The following NEGR1 variants were observed in gnomAD, a reference collection of about 807,000 sequenced individuals.
The protein encoded by NEGR1 is IgLON family member 4.
NEGR1 carries 10 observed loss-of-function variants against 40.9 expected under a neutral mutation model. The observed-to-expected ratio is 0.24, with a 90% confidence interval of 0.15 to 0.42. NEGR1 has a LOEUF of 0.42. Among genes scored for constraint, NEGR1 ranks in the 10% least tolerant of loss-of-function variants. NEGR1 has a pLI of 1.00. For missense variants in NEGR1, 352 were observed against 438.9 expected (o/e 0.80, Z 1.77); for synonymous variants, 185 against 166.8 (o/e 1.11, Z -0.84).
intron 5 of NEGR1, among the ~76,000 whole-genome samples, chr1:71,594,333 T>C (rs1420797704): frequency 6.6e-6 from 1 of 152,190 alleles, no homozygotes; most frequent in Non-Finnish European, 1.5e-5. Flanking sequence ...TTTTTTTAAA[T>C]TATGAAAATG....
chr1:72,019,765 C>T (rs576079214), intron 1 of NEGR1, among the ~76,000 whole-genome samples: 7 of 152,194 alleles, frequency 4.6e-5, no homozygotes, highest in Non-Finnish European at 8.8e-5. Context: ...TCAAACTATG[C>T]ATTTTAACCT....
At chr1:72,234,077 T>C (rs1392617701) in intron 1 of NEGR1, among the ~76,000 whole-genome samples, 1 of 152,110 alleles carries the variant, frequency 6.6e-6, no homozygotes, top group Non-Finnish European at 1.5e-5. Flanking sequence ...AGTATTCGCT[T>C]ACCCAGGTAT....
chr1:71,656,049 T>C (rs1651862430), intron 4 of NEGR1, among the ~76,000 whole-genome samples: 1 of 152,182 alleles, frequency 6.6e-6, no homozygotes, highest in Non-Finnish European at 1.5e-5. Flanking sequence ...GAATATCCCA[T>C]TTATAACTGA....
At chr1:71,622,698 G>A (rs997836799) in intron 4 of NEGR1, among the ~76,000 whole-genome samples, 1 of 151,754 alleles carries the variant, frequency 6.6e-6, no homozygotes, top group Non-Finnish European at 1.5e-5. Flanking sequence ...ATATACATTC[G>A]AGATAGGTGA....
chr1:71,736,035 C>A (rs185907804), intron 3 of NEGR1, among the ~76,000 whole-genome samples: 1 of 151,908 alleles, frequency 6.6e-6, no homozygotes, highest in Non-Finnish European at 1.5e-5. Context: ...TCACAACCTC[C>A]CTAGATTATT....
chr1:71,441,991 A>G (rs1229497999), intron 6 of NEGR1, among the ~76,000 whole-genome samples: 1 of 152,192 alleles, frequency 6.6e-6, no homozygotes, highest in Admixed American at 6.5e-5. Flanking sequence ...TAAATATATC[A>G]ATTGGTAGCT....
In NEGR1 at chr1:71,821,882, A is replaced by G. The variant is rs76862677; in HGVS notation, c.410-45585T>C. Among the ~76,000 whole-genome samples, 1,216 of 152,102 alleles carry G rather than the reference A, an allele frequency of 8.0e-3. 48 individuals are homozygous for G. In the East Asian group the frequency reaches 0.12, roughly 15 times the overall value. ...ATGAGTGGGACAGGCAGACATAAGC[A>G]AGCAACATGAGCAGATAATTCAGAA... On this transcript the variant is annotated intron_variant, in intron 2 of 6. Coordinates refer to ENST00000357731, the MANE Select transcript of NEGR1 (RefSeq NM_173808.3).
intron 1 of NEGR1, 126 bp downstream of exon 1, chr1:72,282,193 G>A (rs1656281275): frequency 8.9e-7 from 1 of 1,126,062 alleles, no homozygotes; most frequent in Admixed American, 2.6e-5. Context: ...GAATTCTTGG[G>A]ATGTGGTCTT....
chr1:71,811,593 ATAAG>A (rs898545137), intron 2 of NEGR1, among the ~76,000 whole-genome samples: 6 of 151,030 alleles, frequency 4.0e-5, no homozygotes, highest in East Asian at 3.9e-4. Context: ...TAATTTACTT[ATAAG>A]TAAGTAATTA....
At chr1:71,926,836 A>G (rs1222169612) in intron 2 of NEGR1, among the ~76,000 whole-genome samples, 2 of 152,176 alleles carry the variant, frequency 1.3e-5, no homozygotes, top group Non-Finnish European at 2.9e-5. Flanking sequence ...GCAATACATA[A>G]AACTTCATGT....
At chr1:71,850,403 T>C (rs1381720781) in intron 2 of NEGR1, among the ~76,000 whole-genome samples, 1 of 151,890 alleles carries the variant, frequency 6.6e-6, no homozygotes, top group East Asian at 1.9e-4. Context: ...CAATCCTCCC[T>C]CCTCAGCCTC....
chr1:71,551,918 T>C (rs962775423), intron 6 of NEGR1, among the ~76,000 whole-genome samples: 1 of 151,618 alleles, frequency 6.6e-6, no homozygotes. Context: ...GTGTGAAAAC[T>C]TCTATATCTT....
chr1:72,259,658 T>C (rs1404248992), intron 1 of NEGR1, among the ~76,000 whole-genome samples: 2 of 152,178 alleles, frequency 1.3e-5, no homozygotes, highest in Admixed American at 6.5e-5. Flanking sequence ...ATCAAAGCTA[T>C]TATGGAAAGG....
intron 4 of NEGR1, among the ~76,000 whole-genome samples, chr1:71,666,386 C>T (rs1283185839): frequency 6.6e-6 from 1 of 152,048 alleles, no homozygotes; most frequent in Non-Finnish European, 1.5e-5. Flanking sequence ...GTAAAAAGTA[C>T]CCATCATGGA....
intron 1 of NEGR1, among the ~76,000 whole-genome samples, chr1:71,936,645 A>G (rs921292628): frequency 1.3e-5 from 2 of 152,234 alleles, no homozygotes; most frequent in Non-Finnish European, 2.9e-5. Context: ...ACAAATAACC[A>G]TGAGATATAT....
intron 4 of NEGR1, among the ~76,000 whole-genome samples, chr1:71,697,359 G>A (rs1049761546): frequency 6.6e-6 from 1 of 151,758 alleles, no homozygotes; most frequent in Non-Finnish European, 1.5e-5. Context: ...TGTAGTCATT[G>A]CTGTTGAAAT....
intron 1 of NEGR1, among the ~76,000 whole-genome samples, chr1:72,075,746 A>G (rs1647702562): frequency 6.6e-6 from 1 of 152,214 alleles, no homozygotes; most frequent in African/African-American, 2.4e-5. Context: ...GAAAGTGGAA[A>G]TGTGCCTGGG....
intron 6 of NEGR1, among the ~76,000 whole-genome samples, chr1:71,504,091 G>A (rs1569957986): frequency 6.7e-6 from 1 of 149,250 alleles, no homozygotes; most frequent in Non-Finnish European, 1.5e-5. Flanking sequence ...TCCTGCAGAG[G>A]CTCAGAAATT....
At chr1:71,426,254 A>G (rs141992102) in intron 6 of NEGR1, among the ~76,000 whole-genome samples, 72 of 152,306 alleles carry the variant, frequency 4.7e-4, no homozygotes, top group African/African-American at 1.6e-3. Flanking sequence ...GCTATTTGCT[A>G]CTTATCAGCA....
Sources: gnomAD v4.1 joint callset for allele counts (sites outside exome capture counted in the v4.1 genomes callset) on GRCh38, gnomAD v4.1.1 for gene constraint, MANE v1.5 for transcripts, NCBI Gene and HGNC (gene_info 2026-07-23, HGNC 2026-07-21) for gene names.